LINGO2: variants seen among roughly 807,000 people sequenced by gnomAD.
The protein encoded by LINGO2 is leucine-rich repeat and immunoglobulin-like domain-containing nogo receptor-interacting protein 2.
Under a neutral mutation model 30.6 loss-of-function variants are expected in LINGO2, and 14 were observed. That is an observed-to-expected ratio of 0.46 (90% CI 0.30 to 0.72). The LOEUF (loss-of-function observed/expected upper bound fraction) is 0.72. LINGO2 is among the 30% of genes least tolerant of loss of function. The pLI, the probability that LINGO2 is intolerant of heterozygous loss-of-function variation, is 0.07. For missense variants in LINGO2, 729 were observed against 751.7 expected (o/e 0.97, Z 0.35); for synonymous variants, 317 against 288.5 (o/e 1.10, Z -1.00).
At chr9:28,708,768 T>C in the LINGO2 span, among the ~76,000 whole-genome samples, 4 of 146,582 alleles carry the variant, frequency 2.7e-5, no homozygotes, top group Non-Finnish European at 4.6e-5. Context: ...TAATTATCTA[T>C]CTATCTATCT....
chr9:28,002,010 C>T (rs975401412), intron 5 of LINGO2, among the ~76,000 whole-genome samples: 1 of 152,150 alleles, frequency 6.6e-6, no homozygotes, highest in Non-Finnish European at 1.5e-5. Flanking sequence ...AAAAGCTGCC[C>T]TATGGCAAAA....
intron 2 of LINGO2, among the ~76,000 whole-genome samples, chr9:28,453,936 A>G (rs1478222240): frequency 6.6e-6 from 1 of 151,994 alleles, no homozygotes; most frequent in Non-Finnish European, 1.5e-5. Context: ...CATGCCTTTA[A>G]TTTTTGCTGC....
intron 1 of LINGO2, among the ~76,000 whole-genome samples, chr9:28,626,754 G>GT (rs1194122984): frequency 6.6e-6 from 1 of 151,068 alleles, no homozygotes; most frequent in Non-Finnish European, 1.5e-5. Context: ...TTCACTGATT[G>GT]TTTTTTTCTA....
At chr9:28,261,795 G>T (rs915086598) in intron 4 of LINGO2, among the ~76,000 whole-genome samples, 2 of 151,902 alleles carry the variant, frequency 1.3e-5, no homozygotes, top group African/African-American at 4.8e-5. Context: ...AAGCAATTGA[G>T]AATTTCATAT....
At chr9:29,067,155 T>A in the LINGO2 span, among the ~76,000 whole-genome samples, 1 of 151,886 alleles carries the variant, frequency 6.6e-6, no homozygotes, top group East Asian at 1.9e-4. Flanking sequence ...AGGGAGAGTA[T>A]TATAAGTTAT....
the LINGO2 span, among the ~76,000 whole-genome samples, chr9:28,914,579 T>C: frequency 2.0e-5 from 3 of 152,186 alleles, no homozygotes; most frequent in Admixed American, 2.0e-4. Flanking sequence ...GCAGGTTCAC[T>C]TATACATGGA....
intron 4 of LINGO2, among the ~76,000 whole-genome samples, chr9:28,108,903 A>T (rs1408332498): frequency 2.0e-5 from 3 of 152,142 alleles, no homozygotes; most frequent in Non-Finnish European, 4.4e-5. Context: ...AAGCCATTCC[A>T]AAATTATCTG....
At chr9:28,221,153 G>A (rs997263491) in intron 4 of LINGO2, among the ~76,000 whole-genome samples, 1 of 151,866 alleles carries the variant, frequency 6.6e-6, no homozygotes, top group Non-Finnish European at 1.5e-5. Context: ...GAAAAAATTA[G>A]CCGGGCGTGG....
intron 1 of LINGO2, among the ~76,000 whole-genome samples, chr9:28,647,208 T>G (rs1046871160): frequency 7.2e-5 from 11 of 152,246 alleles, no homozygotes; most frequent in Middle Eastern, 6.8e-3. Context: ...TGGGAACGCT[T>G]GGTTGCCCTG....
At chr9:28,557,388 A>G (rs1282732404) in intron 1 of LINGO2, among the ~76,000 whole-genome samples, 3 of 152,290 alleles carry the variant, frequency 2.0e-5, no homozygotes, top group South Asian at 2.1e-4. Context: ...CAACAGACAC[A>G]TGAAAAAATG....
chr9:29,175,583 G>C, the LINGO2 span, among the ~76,000 whole-genome samples: 1 of 146,804 alleles, frequency 6.8e-6, no homozygotes, highest in Non-Finnish European at 1.5e-5. Flanking sequence ...ATGGAGTGCA[G>C]TGGAGCGATC....
At chr9:27,945,622 T>C (rs1337254114), downstream of LINGO2, among the ~76,000 whole-genome samples, 1 of 152,150 alleles carries the variant, frequency 6.6e-6, no homozygotes, top group African/African-American at 2.4e-5. Context: ...ATGTCATATT[T>C]AAGTGAGTAG....
the LINGO2 span, among the ~76,000 whole-genome samples, chr9:28,878,752 A>G: frequency 1.3e-5 from 2 of 152,196 alleles, no homozygotes; most frequent in East Asian, 3.9e-4. Flanking sequence ...TGATTATCTC[A>G]ATAGATGCAG....
chr9:28,395,376 T>C (rs138525678), intron 2 of LINGO2, among the ~76,000 whole-genome samples: 1,602 of 152,352 alleles, frequency 0.011, 9 homozygotes, highest in Non-Finnish European at 0.016. Flanking sequence ...ACCCAATCAC[T>C]GGCATGCTCT....
At chr9:28,440,811 T>A (rs188860780) in intron 2 of LINGO2, among the ~76,000 whole-genome samples, 1 of 152,302 alleles carries the variant, frequency 6.6e-6, no homozygotes, top group Admixed American at 6.5e-5. Context: ...TTTATTTCTA[T>A]CAGTTATGCA....
chr9:28,426,185 A>G lies in LINGO2; in HGVS notation c.-279+49755T>C, dbSNP rs573604289. On this transcript the variant is annotated intron_variant, in intron 2 of 5. Coordinates refer to ENST00000379992, the Ensembl canonical transcript of LINGO2. Reference sequence around the variant, plus strand: ...CACTTGCTACAATACAACGACAATAATTTATCCTAGCAATAAACACTTTTG... The same window carrying G: ...CACTTGCTACAATACAACGACAATAGTTTATCCTAGCAATAAACACTTTTG... 3.3e-5 allele frequency among the ~76,000 whole-genome samples: 5 copies of G among 152,172 alleles called. No homozygotes were observed. The East Asian group carries it at 9.7e-4, about 30-fold the overall frequency.
chr9:29,188,696 CG>C, the LINGO2 span, among the ~76,000 whole-genome samples: 1 of 102,798 alleles, frequency 9.7e-6, no homozygotes, highest in Non-Finnish European at 2.0e-5. Context: ...GCTGGCCAGG[CG>C]GGGGGCTGAC....
the LINGO2 span, among the ~76,000 whole-genome samples, chr9:29,100,133 G>A: frequency 6.6e-6 from 1 of 152,170 alleles, no homozygotes; most frequent in East Asian, 1.9e-4. Context: ...GGCACATAAA[G>A]ACAGACATCA....
At chr9:29,090,441 G>A in the LINGO2 span, among the ~76,000 whole-genome samples, 1 of 151,900 alleles carries the variant, frequency 6.6e-6, no homozygotes, top group African/African-American at 2.4e-5. Context: ...ATCCATGTCT[G>A]TCCCTGTCAT....
Sources: allele counts gnomAD v4.1 joint callset (sites outside exome capture counted in the v4.1 genomes callset), GRCh38; gene constraint gnomAD v4.1.1; transcripts MANE v1.5; gene names NCBI Gene and HGNC (gene_info 2026-07-23, HGNC 2026-07-21).